The following SMARCC1 variants were observed in gnomAD, a reference collection of about 807,000 sequenced individuals.
SMARCC1 encodes the protein SWI/SNF complex subunit SMARCC1.
SMARCC1 carries 43 observed loss-of-function variants against 147.4 expected under a neutral mutation model. That is an observed-to-expected ratio of 0.29 (90% CI 0.23 to 0.38). The LOEUF (loss-of-function observed/expected upper bound fraction) is 0.38. Ranked by LOEUF, SMARCC1 falls within the 10% of genes least tolerant of loss-of-function variation. The pLI is 1.00. For synonymous variants in SMARCC1, 495 were observed against 484.4 expected, an observed-to-expected ratio of 1.02 and a Z score of -0.29; for missense variants, 1,119 against 1,381.1, an observed-to-expected ratio of 0.81 and a Z score of 3.01.
intron 2 of SMARCC1, among the ~76,000 whole-genome samples, chr3:47,751,812 A>C (rs1360204223): frequency 6.6e-6 from 1 of 152,012 alleles, no homozygotes; most frequent in Non-Finnish European, 1.5e-5. Flanking sequence ...GGCCAGGCGC[A>C]GTAGCTCACG....
chr3:47,761,609 C>T (rs970148267), intron 2 of SMARCC1, among the ~76,000 whole-genome samples: 28 of 152,260 alleles, frequency 1.8e-4, no homozygotes, highest in African/African-American at 6.3e-4. Flanking sequence ...GTGACTACGA[C>T]TGCTGATTTC....
chr3:47,665,582 C>T (rs1404578147), intron 19 of SMARCC1, among the ~76,000 whole-genome samples: 3 of 152,060 alleles, frequency 2.0e-5, no homozygotes, highest in Non-Finnish European at 2.9e-5. Flanking sequence ...GATACAAAAT[C>T]CAAGCAAGAC....
intron 21 of SMARCC1, among the ~76,000 whole-genome samples, chr3:47,643,382 C>A (rs2033074183): frequency 6.6e-6 from 1 of 152,056 alleles, no homozygotes; most frequent in Non-Finnish European, 1.5e-5. Flanking sequence ...CTGGATACAA[C>A]CCAAACTGCT....
At chr3:47,679,823 C>G (rs1031189047) in intron 15 of SMARCC1, among the ~76,000 whole-genome samples, 1 of 141,514 alleles carries the variant, frequency 7.1e-6, no homozygotes, top group Non-Finnish European at 1.5e-5. Context: ...GATTGCAACA[C>G]TGCACTCCAG....
At chr3:47,690,195 A>T (rs528105506) in intron 12 of SMARCC1, among the ~76,000 whole-genome samples, 1 of 152,022 alleles carries the variant, frequency 6.6e-6, no homozygotes, top group African/African-American at 2.4e-5. Flanking sequence ...GTCTCTTATT[A>T]AAAAAAAGAA....
chr3:47,630,239 T>C (rs768667911), intron 24 of SMARCC1, among the ~76,000 whole-genome samples: 7 of 152,170 alleles, frequency 4.6e-5, no homozygotes, highest in South Asian at 2.1e-4. Flanking sequence ...AGACATTAGA[T>C]TCTCAAATGA....
At chr3:47,663,601 GCTGTGGCCCAGACATGGCGA>G (rs2033380472) in intron 19 of SMARCC1, 1 of 1,477,956 alleles carries the variant, frequency 6.8e-7, no homozygotes, top group African/African-American at 1.4e-5. Context: ...TTCTCCTGCT[GCTGTGGCCCAGACATGGCGA>G]CTCCGGCCCT....
intron 8 of SMARCC1, 67 bp downstream of exon 8, chr3:47,714,348 G>T: frequency 2.2e-6 from 2 of 897,018 alleles, no homozygotes; most frequent in Non-Finnish European, 1.9e-6. Context: ...GGGCGACAGA[G>T]TGAGACGCCA....
At chr3:47,766,781 C>T (rs1044090400) in intron 2 of SMARCC1, among the ~76,000 whole-genome samples, 5 of 152,030 alleles carry the variant, frequency 3.3e-5, no homozygotes, top group Admixed American at 3.3e-4. Context: ...ATGCAATATA[C>T]CTTTAGCCTT....
intron 2 of SMARCC1, among the ~76,000 whole-genome samples, chr3:47,768,022 T>A (rs1469550393): frequency 6.6e-6 from 1 of 152,022 alleles, no homozygotes; most frequent in Non-Finnish European, 1.5e-5. Context: ...CTTGTATTTC[T>A]TTGTAGAGAC....
chr3:47,642,358 G>C (rs1405080667), intron 21 of SMARCC1, among the ~76,000 whole-genome samples: 1 of 152,180 alleles, frequency 6.6e-6, no homozygotes, highest in Non-Finnish European at 1.5e-5. Flanking sequence ...GGGAGGCCAA[G>C]GCAGGTGGAT....
intron 1 of SMARCC1, 78 bp downstream of exon 1, chr3:47,781,525 C>T: frequency 9.4e-7 from 1 of 1,064,520 alleles, no homozygotes; most frequent in East Asian, 3.3e-5. Context: ...GGAGGGGCGG[C>T]CCGAGGCCCG....
intron 5 of SMARCC1, among the ~76,000 whole-genome samples, chr3:47,734,502 A>T (rs1184010384): frequency 1.3e-5 from 2 of 152,234 alleles, no homozygotes; most frequent in African/African-American, 4.8e-5. Flanking sequence ...GGAAAAAAAG[A>T]CATTTCATGA....
chr3:47,624,998 C>G (rs2032788116), intron 24 of SMARCC1, among the ~76,000 whole-genome samples: 1 of 151,446 alleles, frequency 6.6e-6, no homozygotes, highest in Non-Finnish European at 1.5e-5. Context: ...CCACAGCACT[C>G]CAGCCTAGGC....
intron 6 of SMARCC1, among the ~76,000 whole-genome samples, chr3:47,726,754 T>C (rs1468352482): frequency 2.0e-5 from 3 of 152,246 alleles, no homozygotes; most frequent in African/African-American, 4.8e-5. Flanking sequence ...TATGATTTCA[T>C]CTAAGGTGGT....
intron 6 of SMARCC1, among the ~76,000 whole-genome samples, chr3:47,723,251 A>T (rs1219195909): frequency 6.6e-6 from 1 of 152,128 alleles, no homozygotes; most frequent in Non-Finnish European, 1.5e-5. Context: ...TTAATATAAT[A>T]ATTAGTATAA....
At chr3:47,683,564 C>A (rs1367311347) in intron 14 of SMARCC1, among the ~76,000 whole-genome samples, 1 of 151,866 alleles carries the variant, frequency 6.6e-6, no homozygotes, top group Non-Finnish European at 1.5e-5. Flanking sequence ...AAAAGTACCC[C>A]AAGATTGGCC....
intron 2 of SMARCC1, among the ~76,000 whole-genome samples, chr3:47,757,007 T>A (rs2034706086): frequency 6.6e-6 from 1 of 152,036 alleles, no homozygotes; most frequent in Admixed American, 6.6e-5. Context: ...TCCCAGCACT[T>A]TGGGACGCCG....
At chr3:47,728,237 C>T (rs544001565) in intron 6 of SMARCC1, among the ~76,000 whole-genome samples, 2 of 151,670 alleles carry the variant, frequency 1.3e-5, no homozygotes, top group African/African-American at 2.4e-5. Context: ...CAAATGGGTG[C>T]CAGCACAGCC....
Sources: gnomAD v4.1 joint callset for allele counts (sites outside exome capture counted in the v4.1 genomes callset) on GRCh38, gnomAD v4.1.1 for gene constraint, MANE v1.5 for transcripts, NCBI Gene and HGNC (gene_info 2026-07-23, HGNC 2026-07-21) for gene names.